The following LARGE1 variants were observed in gnomAD, a reference collection of about 807,000 sequenced individuals.
LARGE1 encodes xylosyl- and glucuronyltransferase LARGE1.
Under a neutral mutation model 87.6 loss-of-function variants are expected in LARGE1, and 43 were observed. That is an observed-to-expected ratio of 0.49 (90% CI 0.38 to 0.63). The LOEUF is 0.63. Ranked by LOEUF, LARGE1 falls within the 30% of genes least tolerant of loss-of-function variation. LARGE1 has a pLI of 0.00. For synonymous variants in LARGE1, 434 were observed against 394.6 expected (o/e 1.10, Z -1.18); for missense variants, 802 against 1,000.2 (o/e 0.80, Z 2.67).
intron 11 of LARGE1, among the ~76,000 whole-genome samples, chr22:33,264,044 G>A (rs73166225): frequency 0.078 from 11,937 of 152,222 alleles, 524 homozygotes; most frequent in African/African-American, 0.11. Flanking sequence ...AAATGTAAAC[G>A]CTTAGAACTA....
chr22:33,560,643 G>A (rs2077827509), intron 6 of LARGE1, among the ~76,000 whole-genome samples: 1 of 152,036 alleles, frequency 6.6e-6, no homozygotes, highest in Non-Finnish European at 1.5e-5. Context: ...GCATGCAGGG[G>A]TCCAAGGTGA....
At chr22:33,186,683 G>A (rs1392348308) in intron 11 of LARGE1, among the ~76,000 whole-genome samples, 6 of 152,062 alleles carry the variant, frequency 3.9e-5, no homozygotes, top group Non-Finnish European at 7.4e-5. Flanking sequence ...TAAAGCATAA[G>A]TATCAAAGAG....
chr22:33,850,391 A>T (rs2063553012), intron 1 of LARGE1, among the ~76,000 whole-genome samples: 1 of 152,134 alleles, frequency 6.6e-6, no homozygotes, highest in South Asian at 2.1e-4. Context: ...ACCTAGTTCA[A>T]CTCTGGGCTG....
chr22:33,285,174 T>C (rs1291716299), intron 12 of LARGE1, among the ~76,000 whole-genome samples: 3 of 152,186 alleles, frequency 2.0e-5, no homozygotes, highest in African/African-American at 7.2e-5. Flanking sequence ...GAATTCATTC[T>C]GGCTCCTGCT....
intron 11 of LARGE1, among the ~76,000 whole-genome samples, chr22:33,312,402 T>C (rs551463416): frequency 7.8e-4 from 110 of 141,246 alleles, no homozygotes; most frequent in Non-Finnish European, 1.3e-3. Context: ...ATTGCAACAC[T>C]GCACTCTGGC....
chr22:33,116,532 T>A, the LARGE1 span, among the ~76,000 whole-genome samples: 955 of 126,520 alleles, frequency 7.5e-3, 8 homozygotes, highest in African/African-American at 0.03. Flanking sequence ...TTTTTTGTAT[T>A]TTTTTTTTTT....
chr22:33,651,238 A>AAAAAAAAAAAAC, intron 2 of LARGE1, among the ~76,000 whole-genome samples: 1 of 143,348 alleles, frequency 7.0e-6, no homozygotes, highest in Non-Finnish European at 1.5e-5. Flanking sequence ...AAAAAAAAAA[A>AAAAAAAAAAAAC]AAAATTAGCC....
intron 3 of LARGE1, among the ~76,000 whole-genome samples, chr22:33,649,090 C>T (rs1448507418): frequency 1.3e-5 from 2 of 152,196 alleles, no homozygotes; most frequent in Non-Finnish European, 2.9e-5. Context: ...TCATATGACA[C>T]ATTCCTCGTT....
At chr22:33,418,102 C>A (rs1304378837) in intron 7 of LARGE1, among the ~76,000 whole-genome samples, 2 of 152,164 alleles carry the variant, frequency 1.3e-5, no homozygotes, top group Non-Finnish European at 2.9e-5. Flanking sequence ...CATGTGCCAC[C>A]ATGCCTGGCT....
chr22:33,276,997 A>G lies in LARGE1; in HGVS notation c.2073+63T>C. On this transcript the variant is annotated intron_variant, in intron 14 of 14. Transcript: ENST00000397394. ...GCTTTCTTGTCTCCAAGGATCCCTT[A>G]AGCTCTAGGATCTAGGCCTCTCCCC... 4.0e-6 allele frequency: 6 copies of G among 1,492,384 alleles called. No homozygotes were observed. The South Asian group carries it at 5.6e-5, about 14-fold the overall frequency. The allele number at this position is 1,492,384 out of a possible 1,614,324, so 92.4% of individuals were successfully genotyped here.
chr22:33,212,682 T>C (rs1253460801), intron 11 of LARGE1, among the ~76,000 whole-genome samples: 2 of 152,166 alleles, frequency 1.3e-5, no homozygotes, highest in Non-Finnish European at 2.9e-5. Context: ...CAAAGTAAAT[T>C]GAAAATCTTC....
At chr22:33,217,258 C>T (rs562353035) in intron 11 of LARGE1, among the ~76,000 whole-genome samples, 54 of 147,904 alleles carry the variant, frequency 3.7e-4, no homozygotes, top group East Asian at 5.9e-4. Context: ...AAAAAAATAA[C>T]GAGCAGTAGT....
chr22:33,611,083 A>G (rs2079414706), intron 4 of LARGE1, among the ~76,000 whole-genome samples: 1 of 152,238 alleles, frequency 6.6e-6, no homozygotes, highest in Admixed American at 6.5e-5. Flanking sequence ...AGCCTGCTAC[A>G]GGGGCAGAGC....
intron 11 of LARGE1, among the ~76,000 whole-genome samples, chr22:33,253,095 G>T (rs1479693698): frequency 1.3e-5 from 2 of 152,174 alleles, no homozygotes. Flanking sequence ...AGAATGAACA[G>T]ACGTGTCAAG....
At chr22:33,514,424 G>A (rs911162289) in intron 6 of LARGE1, among the ~76,000 whole-genome samples, 31 of 152,126 alleles carry the variant, frequency 2.0e-4, no homozygotes, top group African/African-American at 7.0e-4. Context: ...CTACATTTGC[G>A]ACTTCATCCA....
At chr22:33,226,841 T>G (rs1925762900) in intron 11 of LARGE1, among the ~76,000 whole-genome samples, 1 of 152,086 alleles carries the variant, frequency 6.6e-6, no homozygotes, top group African/African-American at 2.4e-5. Context: ...GCCATTCTCC[T>G]GCCTCAGCCT....
chr22:33,412,768 C>T (rs764092811), intron 7 of LARGE1, among the ~76,000 whole-genome samples: 1 of 152,216 alleles, frequency 6.6e-6, no homozygotes, highest in Non-Finnish European at 1.5e-5. Flanking sequence ...TCAAGCAATT[C>T]TCCTGCCTCA....
chr22:33,557,416 G>A (rs1301784787), intron 6 of LARGE1, among the ~76,000 whole-genome samples: 8 of 152,148 alleles, frequency 5.3e-5, no homozygotes, highest in Admixed American at 5.2e-4. Flanking sequence ...GAGAAAGCAG[G>A]AGGGTACAAG....
chr22:33,606,221 C>T (rs1828815307), intron 4 of LARGE1, among the ~76,000 whole-genome samples: 1 of 151,952 alleles, frequency 6.6e-6, no homozygotes, highest in South Asian at 2.1e-4. Flanking sequence ...CTGGGTAACA[C>T]AGTGAAACCC....
Sources: allele counts gnomAD v4.1 joint callset (sites outside exome capture counted in the v4.1 genomes callset), GRCh38; gene constraint gnomAD v4.1.1; transcripts MANE v1.5; gene names NCBI Gene and HGNC (gene_info 2026-07-23, HGNC 2026-07-21).